CNTNAP3: variants seen among roughly 807,000 people sequenced by gnomAD.
The protein encoded by CNTNAP3 is contactin associated protein family member 3.
CNTNAP3 carries 36 observed loss-of-function variants against 92.1 expected under a neutral mutation model. The observed-to-expected ratio is 0.39, with a 90% CI of 0.30 to 0.52. CNTNAP3 has a LOEUF of 0.52. Among genes scored for constraint, CNTNAP3 ranks in the 20% least tolerant of loss-of-function variants. The probability of loss-of-function intolerance (pLI) is 0.76; values close to 1 mark genes in which losing one functional copy is unlikely to be tolerated. For synonymous variants in CNTNAP3, 232 were observed against 422.3 expected (o/e 0.55, Z 5.53); for missense variants, 534 against 1,069.6 (o/e 0.50, Z 6.98).
At position 39,204,935 on chromosome 9, in the gene CNTNAP3, C is replaced by T. The variant is rs1822558334; in HGVS notation, c.391-11660G>A. Among the ~76,000 whole-genome samples the T allele has an allele frequency of 2.9e-5, 2 of 69,952 alleles. 1 individual carries two copies. The highest frequency in any genetic ancestry group is 4.6e-5 in the Non-Finnish European group (2 of 43,112). The allele number at this position is 69,952 out of a possible 152,430, so 45.9% of individuals were successfully genotyped here. On this transcript the variant is annotated intron_variant, in intron 3 of 23. Transcript: ENST00000297668. ...GACTTTTTGCTAGTTTTTGAATAGC[C>T]CAAAGAAAATGGGATTATATTCTCA...
At chr9:39,125,559 C>T (rs1266411207) in intron 13 of CNTNAP3, among the ~76,000 whole-genome samples, 2 of 151,956 alleles carry the variant, frequency 1.3e-5, no homozygotes, top group Non-Finnish European at 1.5e-5. Context: ...ACAACAAAAC[C>T]CATGATCCAC....
At chr9:39,141,946 C>T (rs186916664) in intron 11 of CNTNAP3, among the ~76,000 whole-genome samples, 191 of 152,114 alleles carry the variant, frequency 1.3e-3, no homozygotes, top group African/African-American at 4.4e-3. Flanking sequence ...ACATGTTATA[C>T]AATTAGAAAT....
At chr9:39,146,083 C>CAG (rs1821691183) in intron 10 of CNTNAP3, among the ~76,000 whole-genome samples, 1 of 152,134 alleles carries the variant, frequency 6.6e-6, no homozygotes, top group South Asian at 2.1e-4. Flanking sequence ...GATCTAGAGA[C>CAG]TACCAACAAG....
chr9:39,091,579 G>A (rs909622304), intron 18 of CNTNAP3, among the ~76,000 whole-genome samples: 2 of 151,882 alleles, frequency 1.3e-5, no homozygotes, highest in African/African-American at 4.8e-5. Flanking sequence ...ATTTTTATAT[G>A]TGACTGGATT....
chr9:39,097,171 G>C (rs1908827), intron 18 of CNTNAP3, among the ~76,000 whole-genome samples: 1 of 151,728 alleles, frequency 6.6e-6, no homozygotes, highest in African/African-American at 2.4e-5. Context: ...TTACTCTCTT[G>C]GAGTTATCAA....
chr9:39,142,635 G>A (rs1821604166), intron 11 of CNTNAP3, among the ~76,000 whole-genome samples: 1 of 151,324 alleles, frequency 6.6e-6, no homozygotes, highest in Non-Finnish European at 1.5e-5. Context: ...TCATGCCACT[G>A]GGCTCCAGCC....
intron 18 of CNTNAP3, among the ~76,000 whole-genome samples, chr9:39,099,031 G>A (rs1826390961): frequency 6.6e-6 from 1 of 151,240 alleles, no homozygotes; most frequent in Non-Finnish European, 1.5e-5. Flanking sequence ...AGTGAGTGCA[G>A]TGGTGCGATC....
chr9:39,142,151 T>C (rs537086766), intron 11 of CNTNAP3, among the ~76,000 whole-genome samples: 1 of 152,310 alleles, frequency 6.6e-6, no homozygotes, highest in African/African-American at 2.4e-5. Flanking sequence ...TGGACTAATA[T>C]AACTCATTGA....
intron 14 of CNTNAP3, among the ~76,000 whole-genome samples, chr9:39,112,557 G>A (rs1365256678): frequency 6.6e-6 from 1 of 152,022 alleles, no homozygotes; most frequent in Non-Finnish European, 1.5e-5. Context: ...GTATAGACGG[G>A]GTTTCACCAT....
chr9:39,142,068 A>G (rs928561623), intron 11 of CNTNAP3, among the ~76,000 whole-genome samples: 1 of 152,158 alleles, frequency 6.6e-6, no homozygotes, highest in Non-Finnish European at 1.5e-5. Context: ...TGACACTTGA[A>G]ATACTTTTTC....
At chr9:39,178,087 AGACT>A (rs1238032698) in intron 5 of CNTNAP3, 66 bp downstream of exon 5, 8 of 105,634 alleles carry the variant, frequency 7.6e-5, no homozygotes, top group Non-Finnish European at 1.3e-4. Flanking sequence ...AACTGTGAAA[AGACT>A]GAGTACCAAC....
rs1202268769 is a variant in CNTNAP3 at position 39,086,790 on chromosome 9, C to A, written c.3280G>T (p.Asp1094Tyr). Residue 1094 changes from aspartate (D) to tyrosine (Y), a missense_variant, in exon 20 of 24, where the codon GAT (aspartate) becomes TAT (tyrosine). Transcript: ENST00000297668. The part of the protein sequence containing the change: ...RHQNPDAFTF[D>Y]FKNMADGQLH... ...TGCCCATCAGCCATGTTTTTAAAATCAAAGGTAAATGCATCAGGATTTTGA... is the reference window on the plus strand; with the variant it reads ...TGCCCATCAGCCATGTTTTTAAAATAAAAGGTAAATGCATCAGGATTTTGA... The A allele has an allele frequency of 6.2e-7, 1 of 1,610,828 alleles. No homozygotes were observed. The highest frequency in any genetic ancestry group is 1.7e-5 in the Admixed American group (1 of 59,896).
At chr9:39,114,323 G>A (rs960297343) in intron 14 of CNTNAP3, among the ~76,000 whole-genome samples, 1 of 151,880 alleles carries the variant, frequency 6.6e-6, no homozygotes, top group Non-Finnish European at 1.5e-5. Context: ...CTGACCTCGT[G>A]ATCTGCCCGC....
At chr9:39,100,345 T>C (rs1226349039) in intron 17 of CNTNAP3, among the ~76,000 whole-genome samples, 195 bp from the exon 18 acceptor site, 2 of 152,200 alleles carry the variant, frequency 1.3e-5, no homozygotes, top group Non-Finnish European at 2.9e-5. Context: ...AAAACACTTA[T>C]TTACATAACT....
intron 11 of CNTNAP3, among the ~76,000 whole-genome samples, chr9:39,142,255 G>A (rs1283737006): frequency 2.0e-5 from 3 of 152,130 alleles, no homozygotes; most frequent in Non-Finnish European, 4.4e-5. Flanking sequence ...TCTGCTTTTA[G>A]GTAAGATACT....
chr9:39,122,881 A>G (rs967760751), intron 13 of CNTNAP3, among the ~76,000 whole-genome samples: 19 of 152,154 alleles, frequency 1.2e-4, no homozygotes, highest in Non-Finnish European at 2.5e-4. Flanking sequence ...ATAAACAAAG[A>G]TATGAAATTT....
intron 18 of CNTNAP3, among the ~76,000 whole-genome samples, chr9:39,091,056 G>A (rs929679089): frequency 6.6e-6 from 1 of 151,912 alleles, no homozygotes; most frequent in Non-Finnish European, 1.5e-5. Flanking sequence ...GCTGAACTTG[G>A]TTTTAGTTTT....
At chr9:39,117,575 TGG>T (rs1820889654) in intron 14 of CNTNAP3, among the ~76,000 whole-genome samples, 1 of 152,222 alleles carries the variant, frequency 6.6e-6, no homozygotes. Context: ...ACAGAACAGT[TGG>T]TGCTTGAAGC....
chr9:39,217,553 A>T (rs1822654453), intron 3 of CNTNAP3, among the ~76,000 whole-genome samples: 1 of 15,458 alleles, frequency 6.5e-5, no homozygotes, highest in African/African-American at 1.1e-4. Flanking sequence ...TGACCACTGA[A>T]AGAGAACTGT....
Sources: gnomAD v4.1 joint callset for allele counts (sites outside exome capture counted in the v4.1 genomes callset) on GRCh38, gnomAD v4.1.1 for gene constraint, MANE v1.5 for transcripts, NCBI Gene and HGNC (gene_info 2026-07-23, HGNC 2026-07-21) for gene names.